Variants in ATXN2 observed in about 807,000 individuals in gnomAD.
The protein encoded by ATXN2 is ataxin-2.
In ATXN2, 37 loss-of-function variants were observed where a neutral mutation model predicts 138.6. The ratio of observed to expected loss-of-function variants is 0.27; its 90% CI spans 0.21 to 0.35. The LOEUF (loss-of-function observed/expected upper bound fraction) is 0.35, where lower values mean the gene tolerates loss of function less well. Among genes scored for constraint, ATXN2 ranks in the 10% least tolerant of loss-of-function variants. The probability of loss-of-function intolerance (pLI) is 1.00; values close to 1 mark genes in which losing one functional copy is unlikely to be tolerated. For missense variants in ATXN2, 1,216 were observed against 1,480.3 expected (o/e 0.82, Z 2.93); for synonymous variants, 549 against 543.7 (o/e 1.01, Z -0.13).
chr12:111,556,951 G>C (rs1592898021), intron 1 of ATXN2, among the ~76,000 whole-genome samples: 1 of 151,274 alleles, frequency 6.6e-6, no homozygotes, highest in Non-Finnish European at 1.5e-5. Flanking sequence ...GTTGTAACAA[G>C]TGCCTTTCCT....
chr12:111,582,978 T>C (rs1029223244), intron 1 of ATXN2, among the ~76,000 whole-genome samples: 2 of 108,706 alleles, frequency 1.8e-5, no homozygotes, highest in African/African-American at 4.5e-5. Flanking sequence ...AGTATCTCAG[T>C]TTTTTTTTTT....
chr12:111,514,115 A>G (rs1318921279), intron 10 of ATXN2, among the ~76,000 whole-genome samples: 5 of 152,154 alleles, frequency 3.3e-5, no homozygotes, highest in African/African-American at 1.2e-4. Context: ...ATGATCATCA[A>G]TTTTAAAACT....
intron 6 of ATXN2, among the ~76,000 whole-genome samples, chr12:111,523,003 A>G (rs1024070857): frequency 3.3e-5 from 5 of 151,256 alleles, no homozygotes; most frequent in African/African-American, 1.2e-4. Context: ...TTTCATGGCC[A>G]GGTGCGGTGG....
intron 1 of ATXN2, among the ~76,000 whole-genome samples, chr12:111,588,526 G>A (rs537865990): frequency 2.0e-5 from 3 of 151,688 alleles, no homozygotes; most frequent in Non-Finnish European, 4.4e-5. Context: ...GGAGGCTGAG[G>A]CAGAAAAATC....
intron 14 of ATXN2, among the ~76,000 whole-genome samples, chr12:111,493,526 G>GA (rs1878189950): frequency 2.0e-5 from 3 of 149,758 alleles, no homozygotes; most frequent in African/African-American, 7.5e-5. Context: ...CAAGTACACA[G>GA]AAAAATACAG....
intron 5 of ATXN2, among the ~76,000 whole-genome samples, chr12:111,549,189 G>A (rs1363613643): frequency 6.6e-6 from 1 of 152,040 alleles, no homozygotes; most frequent in Non-Finnish European, 1.5e-5. Context: ...GTGACTAAAC[G>A]TGAACCCAGC....
At chr12:111,559,390 C>T (rs1049699361) in intron 1 of ATXN2, among the ~76,000 whole-genome samples, 1 of 151,684 alleles carries the variant, frequency 6.6e-6, no homozygotes, top group Non-Finnish European at 1.5e-5. Context: ...TGAGCTACCA[C>T]GCCCGGCCAA....
At chr12:111,499,854 T>G (rs540400368) in intron 14 of ATXN2, among the ~76,000 whole-genome samples, 1 of 152,126 alleles carries the variant, frequency 6.6e-6, no homozygotes, top group Non-Finnish European at 1.5e-5. Context: ...AACAGGTATA[T>G]GAAAGGTATT....
chr12:111,543,793 T>C (rs1168675753), intron 5 of ATXN2, among the ~76,000 whole-genome samples: 1 of 152,190 alleles, frequency 6.6e-6, no homozygotes, highest in East Asian at 1.9e-4. Flanking sequence ...GAAATTACAT[T>C]AGCGTGGGCA....
At chr12:111,556,768 A>G (rs1882411182) in intron 1 of ATXN2, among the ~76,000 whole-genome samples, 1 of 150,534 alleles carries the variant, frequency 6.6e-6, no homozygotes, top group East Asian at 2.0e-4. Flanking sequence ...GTGAGCTGAG[A>G]CCGCCCCATT....
At chr12:111,502,027 T>TACTA (rs1439312587) in intron 14 of ATXN2, among the ~76,000 whole-genome samples, 1 of 152,098 alleles carries the variant, frequency 6.6e-6, no homozygotes, top group Admixed American at 6.6e-5. Context: ...GAGTAGCTGG[T>TACTA]ACTATTAGCA....
At chr12:111,500,084 C>T (rs1217940355) in intron 14 of ATXN2, among the ~76,000 whole-genome samples, 2 of 152,090 alleles carry the variant, frequency 1.3e-5, no homozygotes, top group Non-Finnish European at 2.9e-5. Flanking sequence ...ATAGAGCTAC[C>T]ATATGATCCA....
At chr12:111,484,753 C>T (rs1018054530) in intron 18 of ATXN2, among the ~76,000 whole-genome samples, 6 of 148,682 alleles carry the variant, frequency 4.0e-5, no homozygotes, top group East Asian at 2.0e-4. Flanking sequence ...ATGTTTGAGA[C>T]GGGGTCTCAC....
At position 111,455,180 on chromosome 12, in the gene ATXN2, T is replaced by G. The variant is rs139279479; in HGVS notation, c.3270+849A>C. 591 of 700,402 alleles carry G rather than the reference T, an allele frequency of 8.4e-4. 10 individuals carry two copies. In the East Asian group the frequency reaches 0.014, roughly 17 times the overall value. The allele number at this position is 700,402 out of a possible 1,614,324, so 43.4% of individuals were successfully genotyped here. A position where few individuals can be genotyped will look rare whatever the true frequency, so the allele number is the denominator to read the frequency against. ...CTCACTTAGACCCGCCTCAGAGAGTTCTGTTATGAAAGTAGCAGAGACATC... is the reference window on the plus strand; with the variant it reads ...CTCACTTAGACCCGCCTCAGAGAGTGCTGTTATGAAAGTAGCAGAGACATC... On this transcript the variant is annotated intron_variant, in intron 23 of 24. Coordinates refer to ENST00000673436, the MANE Select transcript of ATXN2 (RefSeq NM_001372574.1).
chr12:111,532,203 G>A (rs925486506), intron 5 of ATXN2, among the ~76,000 whole-genome samples: 22 of 151,962 alleles, frequency 1.4e-4, no homozygotes, highest in African/African-American at 5.3e-4. Flanking sequence ...ATTTGAGGCC[G>A]GGTGCGGTGG....
intron 11 of ATXN2, among the ~76,000 whole-genome samples, chr12:111,512,308 TG>T (rs1249388685): frequency 6.6e-6 from 1 of 152,074 alleles, no homozygotes; most frequent in African/African-American, 2.4e-5. Context: ...GTGTTTTTTT[TG>T]TTTGTTTGTT....
intron 1 of ATXN2, among the ~76,000 whole-genome samples, chr12:111,583,293 G>A (rs1884118164): frequency 6.6e-6 from 1 of 152,028 alleles, no homozygotes; most frequent in Non-Finnish European, 1.5e-5. Flanking sequence ...GCCCAGCCAA[G>A]GAAGATATTC....
intron 16 of ATXN2, 84 bp downstream of exon 16, chr12:111,486,677 G>T: frequency 1.7e-6 from 2 of 1,168,214 alleles, no homozygotes; most frequent in Non-Finnish European, 1.2e-6. Context: ...ACAAAATTCA[G>T]ATGGCAGGTA....
chr12:111,456,810 C>T (rs1168334128), intron 22 of ATXN2, among the ~76,000 whole-genome samples: 2 of 152,030 alleles, frequency 1.3e-5, no homozygotes, highest in Non-Finnish European at 2.9e-5. Flanking sequence ...TGCAGTGGCG[C>T]GATCTCTGCT....
Sources: gnomAD v4.1 joint callset for allele counts (sites outside exome capture counted in the v4.1 genomes callset) on GRCh38, gnomAD v4.1.1 for gene constraint, MANE v1.5 for transcripts, NCBI Gene and HGNC (gene_info 2026-07-23, HGNC 2026-07-21) for gene names.